The following SV2C variants were observed in gnomAD, a reference collection of about 807,000 sequenced individuals.
SV2C encodes solute carrier family 22 member B3.
Under a neutral mutation model 79.7 loss-of-function variants are expected in SV2C, and 49 were observed. The observed-to-expected ratio is 0.61, with a 90% confidence interval of 0.49 to 0.78. The LOEUF (loss-of-function observed/expected upper bound fraction) is 0.78. Ranked by LOEUF, SV2C falls within the 30% of genes least tolerant of loss-of-function variation. The pLI, the probability that SV2C is intolerant of heterozygous loss-of-function variation, is 0.00. For missense variants in SV2C, 833 were observed against 912.9 expected (o/e 0.91, Z 1.13); for synonymous variants, 334 against 333.2 (o/e 1.00, Z -0.03).
intron 4 of SV2C, among the ~76,000 whole-genome samples, chr5:76,261,879 A>T (rs1285549241): frequency 6.6e-6 from 1 of 152,244 alleles, no homozygotes; most frequent in Non-Finnish European, 1.5e-5. Flanking sequence ...ATCGATGTTC[A>T]TCAGGGATAT....
At chr5:75,998,029 A>G in the SV2C span, among the ~76,000 whole-genome samples, 1 of 152,162 alleles carries the variant, frequency 6.6e-6, no homozygotes, top group African/African-American at 2.4e-5. Context: ...GGATGAGTTC[A>G]TGTCCTTTGT....
At chr5:76,245,502 G>C (rs567135613) in intron 4 of SV2C, among the ~76,000 whole-genome samples, 349 of 152,312 alleles carry the variant, frequency 2.3e-3, no homozygotes, top group Non-Finnish European at 4.0e-3. Context: ...GAGCCTACAA[G>C]AGACAATCAG....
chr5:76,241,803 G>A (rs185322106), intron 4 of SV2C, among the ~76,000 whole-genome samples: 26 of 152,256 alleles, frequency 1.7e-4, no homozygotes, highest in African/African-American at 6.3e-4. Context: ...GAAGGGAAAG[G>A]TGTTTTCTCC....
the SV2C span, among the ~76,000 whole-genome samples, chr5:75,968,781 C>T: frequency 1.3e-5 from 2 of 152,168 alleles, no homozygotes; most frequent in East Asian, 1.9e-4. Flanking sequence ...ACTTCCCCAA[C>T]CTATCAAAGT....
the SV2C span, among the ~76,000 whole-genome samples, chr5:75,852,555 A>G: frequency 6.6e-6 from 1 of 152,350 alleles, no homozygotes; most frequent in African/African-American, 2.4e-5. Context: ...ATATGTAGTA[A>G]AAATATTCTT....
intron 4 of SV2C, among the ~76,000 whole-genome samples, chr5:76,252,756 C>T (rs750446375): frequency 1.3e-5 from 2 of 152,158 alleles, no homozygotes; most frequent in Non-Finnish European, 2.9e-5. Flanking sequence ...ACTAAGTGAA[C>T]TCAGAGTTCA....
the SV2C span, among the ~76,000 whole-genome samples, chr5:75,874,932 T>G: frequency 6.6e-6 from 1 of 152,106 alleles, no homozygotes; most frequent in African/African-American, 2.4e-5. Flanking sequence ...GGAAAAACAT[T>G]CCATGCTCAT....
the SV2C span, among the ~76,000 whole-genome samples, chr5:75,914,030 T>A: frequency 1.2e-4 from 18 of 152,186 alleles, no homozygotes; most frequent in African/African-American, 4.3e-4. Context: ...TATTCACCCA[T>A]TTGCCAATGT....
At chr5:76,090,587 A>T (rs1484018276) in intron 1 of SV2C, among the ~76,000 whole-genome samples, 2 of 152,108 alleles carry the variant, frequency 1.3e-5, no homozygotes, top group East Asian at 3.9e-4. Flanking sequence ...TAAAGACTAT[A>T]TCCTTAGGTC....
intron 12 of SV2C, among the ~76,000 whole-genome samples, chr5:76,345,465 T>C (rs1312953250): frequency 6.6e-6 from 1 of 152,166 alleles, no homozygotes; most frequent in African/African-American, 2.4e-5. Context: ...TGTATTATGA[T>C]GGCAGAAGTT....
the SV2C span, among the ~76,000 whole-genome samples, chr5:75,951,449 A>G: frequency 5.3e-5 from 8 of 151,972 alleles, no homozygotes; most frequent in Admixed American, 3.3e-4. Flanking sequence ...TGAAGAAATT[A>G]TTTCACCTCA....
chr5:75,893,035 C>G, the SV2C span, among the ~76,000 whole-genome samples: 36 of 152,190 alleles, frequency 2.4e-4, no homozygotes, highest in Non-Finnish European at 4.1e-4. Flanking sequence ...ATTTACATTC[C>G]CACCAAACAT....
chr5:76,316,518 GT>G (rs1748624439), intron 12 of SV2C, among the ~76,000 whole-genome samples: 1 of 152,168 alleles, frequency 6.6e-6, no homozygotes, highest in Non-Finnish European at 1.5e-5. Flanking sequence ...TCAGGGCATG[GT>G]TATACGTGCA....
chr5:76,177,431 T>G (rs966389813), intron 2 of SV2C, among the ~76,000 whole-genome samples: 1 of 151,676 alleles, frequency 6.6e-6, no homozygotes, highest in East Asian at 1.9e-4. Flanking sequence ...AAAGTTCAAC[T>G]TACAAATTCA....
intron 3 of SV2C, among the ~76,000 whole-genome samples, chr5:76,200,344 A>T (rs967452632): frequency 6.6e-6 from 1 of 152,256 alleles, no homozygotes; most frequent in Non-Finnish European, 1.5e-5. Flanking sequence ...TAGAACAAAG[A>T]GAAGTTCTAG....
At chr5:76,206,777 T>G (rs1238121916) in intron 3 of SV2C, among the ~76,000 whole-genome samples, 1 of 152,230 alleles carries the variant, frequency 6.6e-6, no homozygotes, top group Non-Finnish European at 1.5e-5. Flanking sequence ...TAATAGTTTC[T>G]TCTCTGTTTA....
chr5:76,085,337 A>C (rs889949274), intron 1 of SV2C, among the ~76,000 whole-genome samples: 4 of 152,202 alleles, frequency 2.6e-5, no homozygotes, highest in African/African-American at 7.2e-5. Context: ...TTCCTCTTTC[A>C]TGGCATAAAA....
At chr5:76,069,922 G>A in the SV2C span, among the ~76,000 whole-genome samples, 8 of 151,894 alleles carry the variant, frequency 5.3e-5, no homozygotes, top group South Asian at 1.7e-3. Flanking sequence ...TCTGATGTTT[G>A]CAGATCCTAC....
the SV2C span, among the ~76,000 whole-genome samples, chr5:75,899,268 G>A: frequency 6.6e-6 from 1 of 152,140 alleles, no homozygotes; most frequent in East Asian, 1.9e-4. Flanking sequence ...GGTATGTTGT[G>A]TCTTTGTTCT....
Sources: allele counts gnomAD v4.1 joint callset (sites outside exome capture counted in the v4.1 genomes callset), GRCh38; gene constraint gnomAD v4.1.1; transcripts MANE v1.5; gene names NCBI Gene and HGNC (gene_info 2026-07-23, HGNC 2026-07-21).